MAST1: variants seen among roughly 807,000 people sequenced by gnomAD.
The protein encoded by MAST1 is microtubule associated serine/threonine kinase 1, also known as microtubule-associated serine/threonine-protein kinase 1.
A neutral mutation model predicts 124.6 loss-of-function variants in MAST1; 40 were observed. The ratio of observed to expected loss-of-function variants is 0.32; its 90% confidence interval spans 0.25 to 0.42. MAST1 has a LOEUF of 0.42. Ranked by LOEUF, MAST1 falls within the 10% of genes least tolerant of loss-of-function variation. The pLI, the probability that MAST1 is intolerant of heterozygous loss-of-function variation, is 1.00. For missense variants in MAST1, 1,558 were observed against 2,181.9 expected (o/e 0.71, Z 5.70); for synonymous variants, 938 against 939.4 (o/e 1.00, Z 0.03).
intron 12 of MAST1, among the ~76,000 whole-genome samples, chr19:12,863,650 A>T (rs1970113440): frequency 6.6e-6 from 1 of 152,160 alleles, no homozygotes; most frequent in Admixed American, 6.6e-5. Context: ...AGCAATTCTT[A>T]CAGGAAAAGA....
intron 12 of MAST1, among the ~76,000 whole-genome samples, chr19:12,861,680 C>CTT (rs1555743464): frequency 2.8e-5 from 4 of 143,450 alleles, no homozygotes; most frequent in African/African-American, 8.1e-5. Context: ...TTCTTTTTCT[C>CTT]TCTTTCTTTC....
rs532469579 is a variant in MAST1 at position 12,840,957 on chromosome 19, A to G, written c.173-34A>G. On this transcript the variant is annotated intron_variant, in intron 2 of 25. Transcript: ENST00000251472. ...TGCACGCCGCTTTAGGGAACGAGAG[A>G]CCTGACAGGATTTGCCCCCTCTTTC... The G allele has an allele frequency of 2.7e-5, 23 of 847,790 alleles. No individual in the cohort carries two copies. The East Asian group carries it at 5.1e-4, about 19-fold the overall frequency. The allele number at this position is 847,790 out of a possible 1,614,324, so 52.5% of individuals were successfully genotyped here.
rs1314468117 is a variant in MAST1 at position 12,852,019 on chromosome 19, G to T, written c.860G>T (p.Arg287Met). The T allele has an allele frequency of 1.9e-6, 3 of 1,614,092 alleles. No homozygotes were observed. Among genetic ancestry groups the T allele is most frequent in the Non-Finnish European group, 2.5e-6 (3 of 1,180,034 alleles). Residue 287 changes from arginine to methionine, a missense_variant, in exon 8 of 26, where the codon AGG becomes ATG. Physicochemically the swap from Arg to Met is moderately conservative, Grantham distance 91. This residue lies in a region of MAST1 where 165 missense variants were observed against 315.3 expected (regional missense o/e 0.52). Transcript: ENST00000251472. Reference protein sequence around the residue: ...KLLIIISRPARLLECLEFNPE... With the variant: ...KLLIIISRPAMLLECLEFNPE... ...CTTATTATCATCTCACGCCCTGCGA[G>T]GCTGCTGGAGTGCCTGGTGAGGGGG...
chr19:12,843,735 T>A lies in MAST1; in HGVS notation c.327+128T>A, dbSNP rs1211737234. 1 of 741,658 alleles carries A rather than the reference T, an allele frequency of 1.3e-6. No homozygotes were observed. Among genetic ancestry groups the A allele is most frequent in the Admixed American group, 2.7e-5 (1 of 37,254 alleles). The allele number at this position is 741,658 out of a possible 1,614,324, so 45.9% of individuals were successfully genotyped here. A position where few individuals can be genotyped will look rare whatever the true frequency, so the allele number is the denominator to read the frequency against. ...ACAGTTTAGGGCCAGGCTCAGTGAC[T>A]CAAGCCTGTAATCCCAGTACTTTGG... On this transcript the variant is annotated intron_variant, in intron 4 of 25. Coordinates refer to ENST00000251472, the MANE Select transcript of MAST1 (RefSeq NM_014975.3). This position sits in a 1 kb window ranked among gnomAD's most constrained non-coding sequence, Gnocchi z 4.9.
In MAST1 at chr19:12,847,952, G is replaced by C. The variant is rs760743831; in HGVS notation, c.669G>C (p.Gln223His). The C allele has an allele frequency of 1.2e-6, 2 of 1,614,004 alleles. No homozygotes were observed. Among genetic ancestry groups the C allele is most frequent in the African/African-American group, 2.7e-5 (2 of 74,948 alleles). The change falls in exon 7 of 26, where the codon CAG (glutamine) becomes CAC (histidine). Residue 223 changes from glutamine (Q) to histidine (H), a missense_variant. By Grantham distance (24) the Gln-to-His change is conservative. This residue lies in a region of MAST1 where 165 missense variants were observed against 315.3 expected (regional missense o/e 0.52). Transcript: ENST00000251472. The surrounding 1 kb of genome is among the most constrained non-coding windows in gnomAD (Gnocchi z 5.5). ...GCGTGCTCAGCTTCATCCACCACCA[G>C]ATCATCGAGCTGGCCCGGGACTGCC... is the stretch of plus-strand genomic sequence containing the variant. ...ADGVLSFIHH[Q>H]IIELARDCLT...
intron 24 of MAST1, among the ~76,000 whole-genome samples, chr19:12,872,362 T>C (rs1024253521): frequency 6.6e-6 from 1 of 152,070 alleles, no homozygotes; most frequent in Non-Finnish European, 1.5e-5. Flanking sequence ...GATAAGTACA[T>C]TTCTTCCCAC....
intron 12 of MAST1, among the ~76,000 whole-genome samples, chr19:12,859,529 G>A (rs532967616): frequency 6.6e-6 from 1 of 152,196 alleles, no homozygotes; most frequent in East Asian, 1.9e-4. Context: ...TGGGATTATA[G>A]GTGCGGACCA....
At chr19:12,861,892 G>A (rs902231998) in intron 12 of MAST1, among the ~76,000 whole-genome samples, 2 of 151,694 alleles carry the variant, frequency 1.3e-5, no homozygotes, top group Non-Finnish European at 2.9e-5. Flanking sequence ...TAGTAGAGAT[G>A]GGGTTTCATC....
rs1219927144 is a variant in MAST1 at position 12,845,652 on chromosome 19, ATTTTTTT to A, written c.328-1623_328-1617del. ...AGTGGCTCATGCCTGTGACCCAGCA[ATTTTTTT>A]TTTTTTTTTTTTTTGAGATGGAGTC... On this transcript the variant is annotated intron_variant, in intron 4 of 25. Transcript: ENST00000251472. Among the ~76,000 whole-genome samples, 6 of 130,288 alleles carry A rather than the reference ATTTTTTT, an allele frequency of 4.6e-5. No individual in the cohort carries two copies. In the South Asian group the frequency reaches 9.6e-4, roughly 21 times the overall value. 85.5% of individuals were successfully genotyped at this position (130,288 alleles called of 152,430 possible).
Position 12,873,961 on chromosome 19 carries a change from G to T in MAST1, c.3804G>T (p.Glu1268Asp). The T allele has an allele frequency of 6.3e-7, 1 of 1,598,246 alleles. No individual in the cohort carries two copies. The change falls in exon 26 of 26, where the codon GAG (glutamate) becomes GAT (aspartate). Residue 1268 changes from glutamate (E) to aspartate (D), a missense_variant. By Grantham distance (45) the Glu-to-Asp change is conservative. Transcript: ENST00000251472. ...SPLLKRVQSA[E>D]KLGASLSADK... ...TCCTCAAGCGCGTGCAGTCGGCCGA[G>T]AAGCTGGGAGCCTCTTTGAGTGCGG...
In MAST1 at chr19:12,867,455, C is replaced by T; in HGVS notation, c.2140-19C>T. Reference sequence around the variant, plus strand: ...AAAGTGGAACCCGGGCTGGACTTGCCTCCCACCACCACCTACAGGTGTATA... The same window carrying T: ...AAAGTGGAACCCGGGCTGGACTTGCTTCCCACCACCACCTACAGGTGTATA... On this transcript the variant is annotated intron_variant, in intron 18 of 25. Coordinates refer to ENST00000251472, the MANE Select transcript of MAST1 (RefSeq NM_014975.3). The T allele has an allele frequency of 6.2e-7, 1 of 1,612,066 alleles. No individual in the cohort carries two copies. The highest frequency in any genetic ancestry group is 1.1e-5 in the South Asian group (1 of 90,984).
intron 7 of MAST1, chr19:12,849,075 T>C (rs1247842529): frequency 6.6e-6 from 1 of 152,452 alleles, no homozygotes; most frequent in Non-Finnish European, 1.5e-5. Context: ...TGTGTATTTT[T>C]GCTTATTTTA....
rs1969793172 is a variant in MAST1 at position 12,838,913 on chromosome 19, C to A, written c.83+258C>A. Among the ~76,000 whole-genome samples the A allele has an allele frequency of 6.6e-6, 1 of 151,480 alleles. No homozygotes were observed. The highest frequency in any genetic ancestry group is 2.1e-4 in the South Asian group (1 of 4,800). The stretch of plus-strand genomic sequence containing the variant: ...GGTTTGTGGCGCCTTTGTCTGCTGG[C>A]GCTGCGGGCTCCAACAGCCTGGTGG... On this transcript the variant is annotated intron_variant, in intron 1 of 25. Coordinates refer to ENST00000251472, the MANE Select transcript of MAST1 (RefSeq NM_014975.3). The surrounding 1 kb of genome is among the most constrained non-coding windows in gnomAD (Gnocchi z 4.3).
intron 12 of MAST1, among the ~76,000 whole-genome samples, chr19:12,861,658 G>GT (rs776959176): frequency 6.9e-6 from 1 of 144,478 alleles, no homozygotes; most frequent in South Asian, 2.1e-4. Flanking sequence ...GAGCATTGTT[G>GT]TTTTTTTCTT....
chr19:12,844,560 G>C (rs1318070766), intron 4 of MAST1, among the ~76,000 whole-genome samples: 1 of 152,170 alleles, frequency 6.6e-6, no homozygotes, highest in African/African-American at 2.4e-5. Context: ...GTCAAGGAAG[G>C]CTTCCTGGAG....
intron 7 of MAST1, among the ~76,000 whole-genome samples, chr19:12,849,981 C>T (rs1027518316): frequency 4.0e-5 from 6 of 151,232 alleles, no homozygotes; most frequent in African/African-American, 7.3e-5. Context: ...TATTTTTAGT[C>T]GAGGCAGGGT....
At position 12,847,812 on chromosome 19, in the gene MAST1, G is replaced by A. The variant is rs772178676; in HGVS notation, c.565-36G>A. On this transcript the variant is annotated intron_variant, in intron 6 of 25. Coordinates refer to ENST00000251472, the MANE Select transcript of MAST1 (RefSeq NM_014975.3). The surrounding 1 kb of genome is among the most constrained non-coding windows in gnomAD (Gnocchi z 5.5). ...GGCTCCTGGCGGCCGCAGCCTTCGGGCACAGCCCCGCGCCCCTCCTCCGTC... is the reference window on the plus strand; with the variant it reads ...GGCTCCTGGCGGCCGCAGCCTTCGGACACAGCCCCGCGCCCCTCCTCCGTC... 1.5e-5 allele frequency: 24 copies of A among 1,587,076 alleles called. No homozygotes were observed. The South Asian group carries it at 2.5e-4, about 16-fold the overall frequency.
chr19:12,859,491 A>G (rs1568411674), intron 12 of MAST1, among the ~76,000 whole-genome samples: 1 of 152,034 alleles, frequency 6.6e-6, no homozygotes, highest in Admixed American at 6.6e-5. Context: ...GGCTCAATCA[A>G]TTCTCCCACC....
intron 12 of MAST1, chr19:12,859,016 C>T (rs1279202803): frequency 1.9e-6 from 1 of 519,370 alleles, no homozygotes; most frequent in East Asian, 3.0e-5. Context: ...TGTGCTAATC[C>T]ATCTGTTTTT....
Sources: allele counts gnomAD v4.1 joint callset (sites outside exome capture counted in the v4.1 genomes callset), GRCh38; gene constraint gnomAD v4.1.1; regional missense constraint gnomAD v4.1.1; non-coding constraint Gnocchi (gnomAD v3.1); transcripts MANE v1.5; gene names NCBI Gene and HGNC (gene_info 2026-07-23, HGNC 2026-07-21).